BAIAP3: variants seen among roughly 807,000 people sequenced by gnomAD.
The protein encoded by BAIAP3 is BAI1-associated protein 3.
A neutral mutation model predicts 149.7 loss-of-function variants in BAIAP3; 180 were observed. The ratio of observed to expected loss-of-function variants is 1.20; its 90% CI spans 1.07 to 1.36. BAIAP3 has a LOEUF of 1.36. Among genes scored for constraint, BAIAP3 ranks in the 40% most tolerant of loss-of-function variants. The probability of loss-of-function intolerance (pLI) is 0.00; values close to 1 mark genes in which losing one functional copy is unlikely to be tolerated. For synonymous variants in BAIAP3, 845 were observed against 670.7 expected (o/e 1.26, Z -4.02); for missense variants, 1,767 against 1,563.4 (o/e 1.13, Z -2.20).
chr16:1,337,007 T>TCCCA (rs2033498290), intron 1 of BAIAP3, among the ~76,000 whole-genome samples: 1 of 151,788 alleles, frequency 6.6e-6, no homozygotes, highest in Admixed American at 6.6e-5. Context: ...ACCTCTCTTG[T>TCCCA]GGTGGGGCAG....
At chr16:1,343,976 AGTGGCCGGTC>A (rs1447747319) in intron 15 of BAIAP3, 36 bp from the exon 16 acceptor site, 13 of 1,607,578 alleles carry the variant, frequency 8.1e-6, no homozygotes, top group Non-Finnish European at 1.1e-5. Context: ...TCTCCTCATC[AGTGGCCGGTC>A]GGGGCTGCTG....
At position 1,343,007 on chromosome 16, in the gene BAIAP3, T is replaced by G. The variant is rs2034032280; in HGVS notation, c.1256T>G (p.Leu419Arg). The change falls in exon 14 of 34, where the codon CTG (leucine) becomes CGG (arginine). Residue 419 changes from leucine (L) to arginine (R), a missense_variant. By Grantham distance (102) the Leu-to-Arg change is moderately radical. Coordinates refer to ENST00000426824, the MANE Select transcript of BAIAP3 (RefSeq NM_001199097.2). ...CAGAGCAACCTGTCACCCTTGCAGC[T>G]GGCCGTGCTGTGAGTGGGTGGAGCT... is the stretch of plus-strand genomic sequence containing the variant. ...GAQSNLSPLQLAVLHWQVSSR... is the reference protein window; with the variant it reads ...GAQSNLSPLQRAVLHWQVSSR... The G allele has an allele frequency of 6.2e-7, 1 of 1,603,266 alleles. No homozygotes were observed. The highest frequency in any genetic ancestry group is 8.5e-7 in the Non-Finnish European group (1 of 1,177,090).
chr16:1,348,384 T>A lies in BAIAP3; in HGVS notation c.3361T>A (p.Ser1121Thr). The A allele has an allele frequency of 6.2e-7, 1 of 1,612,354 alleles. No homozygotes were observed. The highest frequency in any genetic ancestry group is 8.5e-7 in the Non-Finnish European group (1 of 1,179,752). The change falls in exon 34 of 34, where the codon TCT (serine) becomes ACT (threonine). Residue 1121 changes from serine to threonine, a missense_variant. Transcript: ENST00000426824. ...HLCRPRAQVRSALRRLEGRTS... is the reference protein window; with the variant it reads ...HLCRPRAQVRTALRRLEGRTS... ...CCTGCCCGCGCTGCTTGCAGTGAGA[T>A]CTGCGCTGAGGAGGCTGGAAGGCCG...
intron 1 of BAIAP3, among the ~76,000 whole-genome samples, chr16:1,335,528 G>A (rs1297413234): frequency 6.6e-6 from 1 of 152,230 alleles, no homozygotes; most frequent in Non-Finnish European, 1.5e-5. Context: ...GGCAGCCAGT[G>A]CTTCCTGTAC....
intron 1 of BAIAP3, among the ~76,000 whole-genome samples, chr16:1,335,418 G>A (rs374070299): frequency 3.3e-5 from 5 of 152,094 alleles, no homozygotes; most frequent in African/African-American, 1.2e-4. Flanking sequence ...CCCAGGGTGA[G>A]AGACTGGGAA....
chr16:1,345,416 C>G (rs1360074949), intron 22 of BAIAP3, 44 bp downstream of exon 22: 2 of 1,546,352 alleles, frequency 1.3e-6, no homozygotes, highest in Admixed American at 1.9e-5. Context: ...TGGTCCAGGC[C>G]CCCAGCCTCC....
At chr16:1,339,388 C>A (rs536530061) in intron 4 of BAIAP3, 108 bp from the exon 5 acceptor site, 1 of 1,479,258 alleles carries the variant, frequency 6.8e-7, no homozygotes, top group Non-Finnish European at 9.2e-7. Flanking sequence ...GGAGGGGCTC[C>A]TGGTGCAAAG....
chr16:1,347,474 A>G (rs747390234), intron 29 of BAIAP3, 71 bp from the exon 30 acceptor site: 8 of 1,576,392 alleles, frequency 5.1e-6, no homozygotes, highest in Middle Eastern at 2.2e-4. Context: ...CCCCACGGGC[A>G]GTCAGGTCTC....
Position 1,348,460 on chromosome 16 carries a change from A to C in BAIAP3, c.3437A>C (p.Lys1146Thr), listed in dbSNP as rs2034544663. 1 of 1,611,402 alleles carries C rather than the reference A, an allele frequency of 6.2e-7. No individual in the cohort carries two copies. The highest frequency in any genetic ancestry group is 8.5e-7 in the Non-Finnish European group (1 of 1,179,416). ...EFVKKLKELE[K>T]CMEADP ...GTGAAGAAACTCAAGGAGCTGGAGA[A>C]GTGCATGGAGGCGGACCCCTGAGTC... The change falls in exon 34 of 34, where the codon AAG becomes ACG. Residue 1146 changes from lysine to threonine, a missense_variant. Lys to Thr is a moderately conservative substitution (Grantham distance 78, BLOSUM62 -1). Coordinates refer to ENST00000426824, the MANE Select transcript of BAIAP3 (RefSeq NM_001199097.2).
intron 1 of BAIAP3, among the ~76,000 whole-genome samples, chr16:1,335,383 G>C (rs185140528): frequency 5.2e-4 from 79 of 152,278 alleles, no homozygotes; most frequent in African/African-American, 1.7e-3. Context: ...AGTATGGGGG[G>C]GTTCATCCTG....
chr16:1,334,328 T>A (rs2141550282), intron 1 of BAIAP3, among the ~76,000 whole-genome samples: 1 of 151,974 alleles, frequency 6.6e-6, no homozygotes, highest in Non-Finnish European at 1.5e-5. Context: ...GAGTTTAAAG[T>A]GACACACTAG....
At position 1,345,752 on chromosome 16, in the gene BAIAP3, G is replaced by C. The variant is rs200826368; in HGVS notation, c.2070G>C (p.Glu690Asp). Residue 690 changes from glutamate to aspartate, a missense_variant, in exon 23 of 34, where the codon GAG becomes GAC. Coordinates refer to ENST00000426824, the MANE Select transcript of BAIAP3 (RefSeq NM_001199097.2). ...AGCCTCCCCTGCCTCCCTAGCTGGA[G>C]CCCGTGGACGCCTCCTCCAGGCACA... The part of the protein sequence containing the change: ...LQGAVDMDTL[E>D]PVDASSRHSS... 1.4e-4 allele frequency: 210 copies of C among 1,534,290 alleles called. No individual in the cohort carries two copies. The African/African-American group carries it at 2.5e-3, about 18-fold the overall frequency.
At chr16:1,343,782 C>T (rs2034101765) in intron 15 of BAIAP3, among the ~76,000 whole-genome samples, 1 of 152,206 alleles carries the variant, frequency 6.6e-6, no homozygotes, top group African/African-American at 2.4e-5. Context: ...AGGGAGCGGC[C>T]CTGGCAGGAC....
intron 8 of BAIAP3, 26 bp from the exon 9 acceptor site, chr16:1,341,795 TC>T: frequency 1.2e-6 from 2 of 1,609,132 alleles, no homozygotes; most frequent in Non-Finnish European, 8.5e-7. Flanking sequence ...CCGGGGACCC[TC>T]ATGGGCATCT....
In BAIAP3 at chr16:1,341,972, CCT is replaced by C. The variant is rs770220101; in HGVS notation, c.777-13_777-12del. On this transcript the variant is annotated splice_polypyrimidine_tract_variant and intron_variant, in intron 9 of 33. Transcript: ENST00000426824. Reference sequence around the variant, plus strand: ...GGGCTCCAGACAAGCCAGGTCCTCCCCTGTCCCCACCAGGGATCATGACGACG... The same window carrying C: ...GGGCTCCAGACAAGCCAGGTCCTCCCGTCCCCACCAGGGATCATGACGACG... 125 of 1,588,130 alleles carry C rather than the reference CCT, an allele frequency of 7.9e-5. No individual in the cohort carries two copies. The South Asian group carries it at 1.2e-3, about 15-fold the overall frequency.
At chr16:1,339,341 C>A in intron 4 of BAIAP3, 97 bp downstream of exon 4, 2 of 1,511,816 alleles carry the variant, frequency 1.3e-6, no homozygotes, top group South Asian at 1.2e-5. Context: ...CTGGTGATGG[C>A]AGAGAGCCAG....
chr16:1,348,809 G>T lies in BAIAP3; in HGVS notation c.*327G>T, dbSNP rs553505112. 6.3e-6 allele frequency: 3 copies of T among 476,466 alleles called. No homozygotes were observed. Among genetic ancestry groups the T allele is most frequent in the East Asian group, 7.5e-5 (2 of 26,724 alleles). 29.5% of individuals were successfully genotyped at this position (476,466 alleles called of 1,614,324 possible). ...TTCCTTGGGCTCCCCGGCCCTGGGT[G>T]GGCGGTGGGCAGCTGGTCTCCAGGG... On this transcript the variant is annotated 3_prime_UTR_variant, in exon 34 of 34. Coordinates refer to ENST00000426824, the MANE Select transcript of BAIAP3 (RefSeq NM_001199097.2).
chr16:1,342,959 C>G lies in BAIAP3; in HGVS notation c.1208C>G (p.Thr403Ser). 6.2e-7 allele frequency: 1 copy of G among 1,612,070 alleles called. No homozygotes were observed. The highest frequency in any genetic ancestry group is 1.3e-5 in the African/African-American group (1 of 75,064). ...WRGELSTPAA[T>S]ILCLHGAQSN... ...GGAGAGCTCAGCACACCAGCCGCCA[C>G]CATCCTCTGCCTGCACGGAGCCCAG... The change falls in exon 14 of 34, where the codon ACC (threonine) becomes AGC (serine). Residue 403 changes from threonine (T) to serine (S), a missense_variant. Transcript: ENST00000426824.
At chr16:1,346,405 GCCC>G (rs779517306) in intron 25 of BAIAP3, 34 bp from the exon 26 acceptor site, 29 of 1,611,556 alleles carry the variant, frequency 1.8e-5, no homozygotes, top group Non-Finnish European at 2.5e-5. Flanking sequence ...AGTCCCTGGT[GCCC>G]CCTGCCCGTG....
Sources: gnomAD v4.1 joint callset for allele counts (sites outside exome capture counted in the v4.1 genomes callset) on GRCh38, gnomAD v4.1.1 for gene constraint, MANE v1.5 for transcripts, NCBI Gene and HGNC (gene_info 2026-07-23, HGNC 2026-07-21) for gene names.